TACR1: variants seen among roughly 807,000 people sequenced by gnomAD.
TACR1 encodes the protein substance-P receptor.
A neutral mutation model predicts 35.8 loss-of-function variants in TACR1; 25 were observed. That is an observed-to-expected ratio of 0.70 (90% CI 0.51 to 0.98). The LOEUF (loss-of-function observed/expected upper bound fraction) is 0.98. Among genes scored for constraint, TACR1 ranks in the 50% least tolerant of loss-of-function variants. The pLI, the probability that TACR1 is intolerant of heterozygous loss-of-function variation, is 0.00. For synonymous variants in TACR1, 195 were observed against 206.7 expected, an observed-to-expected ratio of 0.94 and a Z score of 0.48; for missense variants, 478 against 522.9, an observed-to-expected ratio of 0.91 and a Z score of 0.84.
At chr2:75,109,579 C>T (rs1308636508) in intron 2 of TACR1, among the ~76,000 whole-genome samples, 1 of 152,078 alleles carries the variant, frequency 6.6e-6, no homozygotes, top group Admixed American at 6.6e-5. Context: ...CAAAGTAATT[C>T]CATATTTGTT....
intron 1 of TACR1, among the ~76,000 whole-genome samples, chr2:75,180,227 A>G (rs1295549047): frequency 6.6e-6 from 1 of 152,160 alleles, no homozygotes; most frequent in Non-Finnish European, 1.5e-5. Context: ...TCAAAATTAC[A>G]TATTTTATAG....
chr2:75,117,493 G>A (rs1283849509), intron 2 of TACR1, among the ~76,000 whole-genome samples: 1 of 152,200 alleles, frequency 6.6e-6, no homozygotes, highest in Admixed American at 6.5e-5. Flanking sequence ...AACATTGGTA[G>A]TTAACATTCA....
At chr2:75,114,453 C>T (rs922915499) in intron 2 of TACR1, among the ~76,000 whole-genome samples, 2 of 152,152 alleles carry the variant, frequency 1.3e-5, no homozygotes, top group Admixed American at 1.3e-4. Flanking sequence ...AATGTTGGCT[C>T]ATTCATCTTC....
intron 2 of TACR1, among the ~76,000 whole-genome samples, chr2:75,095,738 ACT>A (rs1673408521): frequency 6.6e-6 from 1 of 151,926 alleles, no homozygotes; most frequent in East Asian, 1.9e-4. Context: ...TAGTTGACTG[ACT>A]CTGGCAAGTG....
Position 75,049,410 on chromosome 2 carries a change from C to T in TACR1, c.*22G>A, listed in dbSNP as rs1372181265. On this transcript the variant is annotated 3_prime_UTR_variant, in exon 5 of 5. Coordinates refer to ENST00000305249, the MANE Select transcript of TACR1 (RefSeq NM_001058.4). The stretch of plus-strand genomic sequence containing the variant: ...GGCAGGTCAAAGGCAGTGGGGGCTG[C>T]ACCTGCCAAAGGCCCTGTGGCCTAG... 1.9e-6 allele frequency: 3 copies of T among 1,598,684 alleles called. No homozygotes were observed. Among genetic ancestry groups the T allele is most frequent in the East Asian group, 2.2e-5 (1 of 44,516 alleles).
At position 75,106,738 on chromosome 2, in the gene TACR1, A is replaced by T. The variant is rs190610969; in HGVS notation, c.584+13836T>A. Among the ~76,000 whole-genome samples, 681 of 152,086 alleles carry T rather than the reference A, an allele frequency of 4.5e-3. 3 individuals are homozygous for T. The highest frequency in any genetic ancestry group is 0.015 in the African/African-American group (613 of 41,576). On this transcript the variant is annotated intron_variant, in intron 2 of 4. Coordinates refer to ENST00000305249, the MANE Select transcript of TACR1 (RefSeq NM_001058.4). ...GCTATGGAAGTAGGGAATATTTTTAAAAAAACTTTAGGATAACTATTTATA... is the reference window on the plus strand; with the variant it reads ...GCTATGGAAGTAGGGAATATTTTTATAAAAACTTTAGGATAACTATTTATA...
At chr2:75,109,597 G>A (rs1572935507) in intron 2 of TACR1, among the ~76,000 whole-genome samples, 2 of 152,136 alleles carry the variant, frequency 1.3e-5, no homozygotes, top group South Asian at 2.1e-4. Flanking sequence ...GTTTTTAAAC[G>A]AGATTTGAGG....
At chr2:75,175,669 C>T (rs775146602) in intron 1 of TACR1, among the ~76,000 whole-genome samples, 38 of 152,086 alleles carry the variant, frequency 2.5e-4, no homozygotes, top group Non-Finnish European at 5.3e-4. Context: ...ACTTTCACTG[C>T]GAGGCTGCTT....
At chr2:75,054,952 C>T (rs1672541674) in intron 2 of TACR1, among the ~76,000 whole-genome samples, 1 of 152,108 alleles carries the variant, frequency 6.6e-6, no homozygotes, top group Non-Finnish European at 1.5e-5. Context: ...TACTATGAAT[C>T]CCATTTTGTA....
At chr2:75,168,217 TA>T (rs1409313057) in intron 1 of TACR1, among the ~76,000 whole-genome samples, 1 of 152,188 alleles carries the variant, frequency 6.6e-6, no homozygotes, top group East Asian at 1.9e-4. Context: ...GACCATATAA[TA>T]ATGGGATAGG....
chr2:75,147,398 AT>A (rs1160067323), intron 1 of TACR1, among the ~76,000 whole-genome samples: 1 of 152,178 alleles, frequency 6.6e-6, no homozygotes, highest in African/African-American at 2.4e-5. Flanking sequence ...ATCCATCCCT[AT>A]AAAGTGTATT....
chr2:75,170,650 A>G (rs1000631631), intron 1 of TACR1, among the ~76,000 whole-genome samples: 5 of 152,184 alleles, frequency 3.3e-5, no homozygotes, highest in African/African-American at 1.2e-4. Context: ...TGATGGTGAT[A>G]TGGACAATAA....
At position 75,085,055 on chromosome 2, in the gene TACR1, G is replaced by C. The variant is rs567239656; in HGVS notation, c.585-31300C>G. 7.4e-3 allele frequency among the ~76,000 whole-genome samples: 1,130 copies of C among 151,954 alleles called. 17 individuals carry two copies. Among genetic ancestry groups the C allele is most frequent in the African/African-American group, 0.026 (1,087 of 41,432 alleles). Reference sequence around the variant, plus strand: ...TTTTAGATCTTTCCTGCTTTCTCTTGTGGGCATTTAGTGCTATAAATTTCC... The same window carrying C: ...TTTTAGATCTTTCCTGCTTTCTCTTCTGGGCATTTAGTGCTATAAATTTCC... On this transcript the variant is annotated intron_variant, in intron 2 of 4. Transcript: ENST00000305249.
In TACR1 at chr2:75,197,014, A is replaced by T. The variant is rs559166861; in HGVS notation, c.389+1532T>A. 2.4e-3 allele frequency among the ~76,000 whole-genome samples: 366 copies of T among 152,364 alleles called. 1 individual carries two copies. The highest frequency in any genetic ancestry group is 3.4e-3 in the Middle Eastern group (1 of 294). ...TAAAGGAGCATGTCAATGCAGAAAG[A>T]TTTACAGGTGTACCTCACTTTCAGC... On this transcript the variant is annotated intron_variant, in intron 1 of 4. Transcript: ENST00000305249.
intron 1 of TACR1, among the ~76,000 whole-genome samples, chr2:75,133,347 A>G (rs147421823): frequency 3.3e-5 from 5 of 152,248 alleles, no homozygotes; most frequent in African/African-American, 9.6e-5. Context: ...TCTTTTGTCT[A>G]ATTTTTCCAA....
intron 1 of TACR1, 80 bp downstream of exon 1, chr2:75,198,466 C>T: frequency 6.5e-7 from 1 of 1,532,408 alleles, no homozygotes; most frequent in South Asian, 1.2e-5. Flanking sequence ...TGACCCATAC[C>T]CCACCCAGTT....
intron 1 of TACR1, among the ~76,000 whole-genome samples, chr2:75,184,233 G>C (rs4853117): frequency 0.37 from 56,861 of 151,834 alleles, 11,090 homozygotes; most frequent in African/African-American, 0.49. Context: ...TTAATAGATG[G>C]CAAAAACACA....
At chr2:75,099,449 A>C (rs1462971141) in intron 2 of TACR1, among the ~76,000 whole-genome samples, 2 of 151,482 alleles carry the variant, frequency 1.3e-5, no homozygotes, top group African/African-American at 2.4e-5. Flanking sequence ...TATTCCTCAG[A>C]CTCTTCATGT....
At chr2:75,195,408 C>CCG (rs149082852) in intron 1 of TACR1, among the ~76,000 whole-genome samples, 19 of 150,448 alleles carry the variant, frequency 1.3e-4, no homozygotes, top group African/African-American at 4.7e-4. Context: ...CCTTTCCCCC[C>CCG]ATCCCTTTTT....
Sources: allele counts gnomAD v4.1 joint callset (sites outside exome capture counted in the v4.1 genomes callset), GRCh38; gene constraint gnomAD v4.1.1; transcripts MANE v1.5; gene names NCBI Gene and HGNC (gene_info 2026-07-23, HGNC 2026-07-21).